MAML3: variants seen among roughly 807,000 people sequenced by gnomAD.
The protein encoded by MAML3 is mastermind-like protein 3.
A neutral mutation model predicts 101.9 loss-of-function variants in MAML3; 27 were observed. The observed-to-expected ratio is 0.27, with a 90% CI of 0.20 to 0.37. MAML3 has a LOEUF of 0.37. Ranked by LOEUF, MAML3 falls within the 10% of genes least tolerant of loss-of-function variation. The pLI is 1.00. For synonymous variants in MAML3, 501 were observed against 555.9 expected (o/e 0.90, Z 1.39); for missense variants, 1,316 against 1,444.9 (o/e 0.91, Z 1.45).
At chr4:140,111,857 C>T (rs1441511683) in intron 1 of MAML3, among the ~76,000 whole-genome samples, 1 of 152,212 alleles carries the variant, frequency 6.6e-6, no homozygotes, top group Non-Finnish European at 1.5e-5. Context: ...TATTTGTTCT[C>T]CTCTTCCAGC....
At chr4:140,143,654 G>A (rs577831526) in intron 1 of MAML3, among the ~76,000 whole-genome samples, 40 of 151,980 alleles carry the variant, frequency 2.6e-4, no homozygotes, top group African/African-American at 7.7e-4. Context: ...CCAGCTACTC[G>A]GGAGGCTGAG....
intron 1 of MAML3, among the ~76,000 whole-genome samples, chr4:140,084,972 T>C (rs1418034346): frequency 6.6e-6 from 1 of 152,112 alleles, no homozygotes; most frequent in East Asian, 1.9e-4. Flanking sequence ...ACGGTTTACA[T>C]TGGGTTATAG....
At chr4:139,970,692 C>T (rs1013475166) in intron 1 of MAML3, among the ~76,000 whole-genome samples, 10 of 152,242 alleles carry the variant, frequency 6.6e-5, no homozygotes, top group Middle Eastern at 3.4e-3. Flanking sequence ...TATCTTGAGG[C>T]GGACTTAGGG....
At chr4:140,060,301 G>A (rs1032248725) in intron 1 of MAML3, among the ~76,000 whole-genome samples, 2 of 142,342 alleles carry the variant, frequency 1.4e-5, no homozygotes, top group African/African-American at 2.6e-5. Context: ...GGGAGGGGGA[G>A]GTTGCAGTGA....
chr4:139,967,469 G>A (rs546576385), intron 1 of MAML3, among the ~76,000 whole-genome samples: 1 of 141,562 alleles, frequency 7.1e-6, no homozygotes, highest in East Asian at 2.1e-4. Flanking sequence ...CTTTTTAAGG[G>A]ACACACACAC....
At chr4:139,724,243 A>G (rs920627372) in intron 4 of MAML3, among the ~76,000 whole-genome samples, 1 of 152,206 alleles carries the variant, frequency 6.6e-6, no homozygotes, top group Non-Finnish European at 1.5e-5. Flanking sequence ...GTGATCTTCA[A>G]TGTGATCTGT....
rs1446652715 is a variant in MAML3 at position 139,889,761 on chromosome 4, T to C, written c.1675A>G (p.Asn559Asp). Residue 559 changes from asparagine (N) to aspartate (D), a missense_variant, in exon 2 of 5, where the codon AAC (asparagine) becomes GAC (aspartate). Physicochemically the swap from Asn to Asp is conservative, Grantham distance 23 (BLOSUM62 1). Coordinates refer to ENST00000509479, the MANE Select transcript of MAML3 (RefSeq NM_018717.5). ...NQNPIVPPMA[N>D]NLQKTTMNNY... Reference sequence around the variant, plus strand: ...TTCATTGTTGTCTTCTGCAGGTTGTTTGCCATTGGAGGCACTATAGGGTTT... The same window carrying C: ...TTCATTGTTGTCTTCTGCAGGTTGTCTGCCATTGGAGGCACTATAGGGTTT... 1.2e-6 allele frequency: 2 copies of C among 1,614,060 alleles called. No individual in the cohort carries two copies. Among genetic ancestry groups the C allele is most frequent in the South Asian group, 1.1e-5 (1 of 91,090 alleles).
chr4:140,152,975 A>G lies in MAML3; in HGVS notation c.353T>C (p.Leu118Pro), dbSNP rs911698938. The change falls in exon 1 of 5, where the codon CTG becomes CCG. Residue 118 changes from leucine (L) to proline (P), a missense_variant. Physicochemically the swap from Leu to Pro is moderately conservative, Grantham distance 98 (BLOSUM62 -3). Coordinates refer to ENST00000509479, the MANE Select transcript of MAML3 (RefSeq NM_018717.5). ...GCCCGATTTCTTGGCCCTCTGCTCC[A>G]GGGTCCGCTGGTAGAGGCTCACGGT... ...RDTVSLYQRTLEQRAKKSGAG... is the reference protein window; with the variant it reads ...RDTVSLYQRTPEQRAKKSGAG... The G allele has an allele frequency of 5.6e-6, 9 of 1,610,908 alleles. No individual in the cohort carries two copies. The highest frequency in any genetic ancestry group is 6.8e-6 in the Non-Finnish European group (8 of 1,178,838).
chr4:139,837,340 C>A (rs1267749180), intron 2 of MAML3, among the ~76,000 whole-genome samples: 1 of 150,612 alleles, frequency 6.6e-6, no homozygotes, highest in African/African-American at 2.4e-5. Context: ...ACTAAAAATA[C>A]AAAAAAAATT....
rs71584337 is a variant in MAML3, at chr4:139,842,762, CTTTTTTTTTTTTTT to C, written c.2079+46581_2079+46594del. Among the ~76,000 whole-genome samples, 37 of 30,956 alleles carry C rather than the reference CTTTTTTTTTTTTTT, an allele frequency of 1.2e-3. 1 individual carries two copies. The highest frequency in any genetic ancestry group is 4.3e-3 in the African/African-American group (32 of 7,492). The allele number at this position is 30,956 out of a possible 152,430, so 20.3% of individuals were successfully genotyped here. A position where few individuals can be genotyped will look rare whatever the true frequency, so the allele number is the denominator to read the frequency against. ...TCCTGGCCTCAAGTTATCCGCTTGC[CTTTTTTTTTTTTTT>C]TTTTTTTTTTTTTTTTTTTTGAGAC... On this transcript the variant is annotated intron_variant, in intron 2 of 4. Coordinates refer to ENST00000509479, the MANE Select transcript of MAML3 (RefSeq NM_018717.5).
intron 1 of MAML3, among the ~76,000 whole-genome samples, chr4:139,928,895 T>C (rs1318944837): frequency 6.6e-6 from 1 of 152,038 alleles, no homozygotes; most frequent in Non-Finnish European, 1.5e-5. Context: ...GAGATAAATA[T>C]TTGGAAGCTA....
intron 1 of MAML3, among the ~76,000 whole-genome samples, chr4:140,052,621 A>G (rs182433266): frequency 2.0e-5 from 3 of 147,530 alleles, no homozygotes; most frequent in Admixed American, 6.8e-5. Context: ...TATAACCTCT[A>G]CCTCCTAGGT....
At chr4:139,759,890 G>C (rs1056109540) in intron 2 of MAML3, among the ~76,000 whole-genome samples, 2 of 152,292 alleles carry the variant, frequency 1.3e-5, no homozygotes, top group East Asian at 1.9e-4. Flanking sequence ...CAAAGTTTTA[G>C]GACAAAAGAT....
chr4:140,095,425 C>G (rs909527023), intron 1 of MAML3, among the ~76,000 whole-genome samples: 5 of 152,120 alleles, frequency 3.3e-5, no homozygotes, highest in African/African-American at 1.2e-4. Flanking sequence ...CAATTGGCAA[C>G]AACACCCTGC....
intron 2 of MAML3, among the ~76,000 whole-genome samples, chr4:139,828,736 A>AAAAAAC: frequency 2.0e-5 from 3 of 150,996 alleles, no homozygotes; most frequent in Admixed American, 6.6e-5. Context: ...TTTTTTTAAA[A>AAAAAAC]ACATAGTTTT....
At chr4:139,749,266 C>T (rs1729422451) in intron 2 of MAML3, among the ~76,000 whole-genome samples, 1 of 152,108 alleles carries the variant, frequency 6.6e-6, no homozygotes, top group Admixed American at 6.5e-5. Context: ...TTTGCATTAA[C>T]ACAGATTTCA....
chr4:139,776,240 T>G (rs1730094164), intron 2 of MAML3, among the ~76,000 whole-genome samples: 1 of 152,212 alleles, frequency 6.6e-6, no homozygotes, highest in Non-Finnish European at 1.5e-5. Context: ...TTTTGTTGTA[T>G]TTTGTTGCAG....
At chr4:140,017,686 T>C (rs1436316514) in intron 1 of MAML3, among the ~76,000 whole-genome samples, 1 of 141,436 alleles carries the variant, frequency 7.1e-6, no homozygotes, top group African/African-American at 2.5e-5. Flanking sequence ...AAAAAACCTA[T>C]CCCAAAAGTT....
chr4:139,972,580 A>G (rs1342772448), intron 1 of MAML3, among the ~76,000 whole-genome samples: 1 of 152,236 alleles, frequency 6.6e-6, no homozygotes, highest in East Asian at 1.9e-4. Flanking sequence ...ACCAAATAAC[A>G]GTAATAGCAA....
Sources: gnomAD v4.1 joint callset for allele counts (sites outside exome capture counted in the v4.1 genomes callset) on GRCh38, gnomAD v4.1.1 for gene constraint, MANE v1.5 for transcripts, NCBI Gene and HGNC (gene_info 2026-07-23, HGNC 2026-07-21) for gene names.